MCPH1: variants seen among roughly 807,000 people sequenced by gnomAD.
MCPH1 encodes microcephalin.
In MCPH1, 104 loss-of-function variants were observed where a neutral mutation model predicts 84.5. The observed-to-expected ratio is 1.23, with a 90% CI of 1.05 to 1.45. The LOEUF (loss-of-function observed/expected upper bound fraction) is 1.45. Among genes scored for constraint, MCPH1 ranks in the 40% most tolerant of loss-of-function variants. The probability of loss-of-function intolerance (pLI) is 0.00; values close to 1 mark genes in which losing one functional copy is unlikely to be tolerated. For missense variants in MCPH1, 1,498 were observed against 1,005.7 expected, an observed-to-expected ratio of 1.49 and a Z score of -6.62; for synonymous variants, 514 against 366.8, an observed-to-expected ratio of 1.40 and a Z score of -4.58.
rs1798273540 is a variant in MCPH1, at chr8:6,647,631, AG to A, written c.*4583del. On this transcript the variant is annotated 3_prime_UTR_variant, in exon 14 of 14. Transcript: ENST00000344683. ...ACGTGCAACAACATGAATGAGCCTCAGAAACATAAGTGAAAGAGGTCAGACA... is the reference window on the plus strand; with the variant it reads ...ACGTGCAACAACATGAATGAGCCTCAAAACATAAGTGAAAGAGGTCAGACA... The A allele has an allele frequency of 6.6e-6, 1 of 151,916 alleles. No homozygotes were observed. Among genetic ancestry groups the A allele is most frequent in the African/African-American group, 2.4e-5 (1 of 41,134 alleles). 9.4% of individuals were successfully genotyped at this position (151,916 alleles called of 1,614,324 possible). A position where few individuals can be genotyped will look rare whatever the true frequency, so the allele number is the denominator to read the frequency against.
intron 12 of MCPH1, among the ~76,000 whole-genome samples, chr8:6,578,864 G>A (rs1827324613): frequency 6.6e-6 from 1 of 152,198 alleles, no homozygotes. Context: ...GTTCAACGTT[G>A]GGAGCACAGG....
intron 12 of MCPH1, among the ~76,000 whole-genome samples, chr8:6,512,179 T>A (rs1385502978): frequency 1.3e-5 from 2 of 152,210 alleles, no homozygotes; most frequent in African/African-American, 4.8e-5. Context: ...TATATCTGTT[T>A]CTCAAACATG....
At chr8:6,633,740 C>T (rs1002962580) in intron 13 of MCPH1, among the ~76,000 whole-genome samples, 2 of 152,168 alleles carry the variant, frequency 1.3e-5, no homozygotes, top group Non-Finnish European at 2.9e-5. Context: ...GCACCCAACG[C>T]AGATTCCCCA....
intron 9 of MCPH1, among the ~76,000 whole-genome samples, chr8:6,471,852 C>T (rs894424658): frequency 6.6e-6 from 1 of 152,188 alleles, no homozygotes; most frequent in Admixed American, 6.5e-5. Flanking sequence ...TGGCCTATAG[C>T]TAATTGCAGA....
At chr8:6,562,566 TTTTTTG>T in intron 12 of MCPH1, 1 of 260,816 alleles carries the variant, frequency 3.8e-6, no homozygotes, top group Admixed American at 5.0e-5. Flanking sequence ...TTTTTTTTTT[TTTTTTG>T]GTTGTTAAAA....
chr8:6,627,141 A>G lies in MCPH1; in HGVS notation c.2452+5450A>G, dbSNP rs1354303507. The G allele has an allele frequency of 6.1e-6, 6 of 983,520 alleles. No individual in the cohort carries two copies. In the African/African-American group the frequency reaches 1.1e-4, roughly 17 times the overall value. The allele number at this position is 983,520 out of a possible 1,614,324, so 60.9% of individuals were successfully genotyped here. ...GGCTCATTCATCGTTTCCCCTAATG[A>G]CTGACTGACCAGAAAAATGCACGAC... On this transcript the variant is annotated intron_variant, in intron 13 of 13. Coordinates refer to ENST00000344683, the MANE Select transcript of MCPH1 (RefSeq NM_024596.5).
intron 12 of MCPH1, among the ~76,000 whole-genome samples, chr8:6,537,077 C>T (rs777857830): frequency 2.0e-4 from 30 of 152,146 alleles, no homozygotes; most frequent in East Asian, 1.9e-4. Flanking sequence ...TCATCTGCAC[C>T]GAACTGCTCT....
At chr8:6,422,320 A>G (rs778515701) in intron 3 of MCPH1, among the ~76,000 whole-genome samples, 1 of 134,640 alleles carries the variant, frequency 7.4e-6, no homozygotes, top group Non-Finnish European at 1.6e-5. Flanking sequence ...TAGAGAAAAT[A>G]TCATGGGGGA....
rs3021380 is a variant in MCPH1, at chr8:6,446,954, A to T, written c.1825+1407A>T. On this transcript the variant is annotated intron_variant, in intron 8 of 13. Transcript: ENST00000344683. ...GGGCCAGCACTAGTTGACTCAAGGC[A>T]CCCTGGTGGGGACGGAGAGGTTTTT... is the stretch of plus-strand genomic sequence containing the variant. 7.4e-4 allele frequency: 732 copies of T among 985,258 alleles called. 2 individuals carry two copies. The African/African-American group carries it at 0.01, about 14-fold the overall frequency. The allele number at this position is 985,258 out of a possible 1,614,324, so 61.0% of individuals were successfully genotyped here. A position where few individuals can be genotyped will look rare whatever the true frequency, so the allele number is the denominator to read the frequency against.
intron 12 of MCPH1, among the ~76,000 whole-genome samples, chr8:6,575,791 G>T (rs139254499): frequency 6.6e-6 from 1 of 152,132 alleles, no homozygotes; most frequent in Non-Finnish European, 1.5e-5. Context: ...CAGGAGGAAC[G>T]CCTCGTGACA....
intron 9 of MCPH1, among the ~76,000 whole-genome samples, chr8:6,463,217 C>T (rs1209663454): frequency 4.6e-5 from 7 of 152,094 alleles, no homozygotes; most frequent in East Asian, 1.9e-4. Flanking sequence ...CTGTCATCTC[C>T]CCCAGGAGGC....
At chr8:6,615,990 C>A (rs566461057) in intron 12 of MCPH1, 54 of 152,116 alleles carry the variant, frequency 3.5e-4, no homozygotes, top group Non-Finnish European at 7.2e-4. Flanking sequence ...TGCTGATGAT[C>A]GCATAACTCT....
At chr8:6,606,446 A>C (rs1829780406) in intron 12 of MCPH1, among the ~76,000 whole-genome samples, 1 of 152,182 alleles carries the variant, frequency 6.6e-6, no homozygotes, top group Non-Finnish European at 1.5e-5. Flanking sequence ...CCTAACCTAT[A>C]TATGGTGGGT....
chr8:6,469,010 G>A (rs532146674), intron 9 of MCPH1, among the ~76,000 whole-genome samples: 5 of 152,178 alleles, frequency 3.3e-5, no homozygotes, highest in Non-Finnish European at 5.9e-5. Flanking sequence ...GCAAAGGAGT[G>A]AGACCTCATC....
intron 12 of MCPH1, among the ~76,000 whole-genome samples, chr8:6,562,137 C>G (rs991788004): frequency 6.6e-6 from 1 of 152,188 alleles, no homozygotes; most frequent in Non-Finnish European, 1.5e-5. Flanking sequence ...AGAGTCACAA[C>G]CTATTTTAGT....
At chr8:6,443,178 A>G (rs1218785556) in intron 7 of MCPH1, among the ~76,000 whole-genome samples, 1 of 152,210 alleles carries the variant, frequency 6.6e-6, no homozygotes, top group Non-Finnish European at 1.5e-5. Flanking sequence ...CAGAGGTCAA[A>G]CAGCTTGTCC....
intron 12 of MCPH1, among the ~76,000 whole-genome samples, chr8:6,561,010 G>A (rs1180551440): frequency 6.6e-6 from 1 of 152,184 alleles, no homozygotes; most frequent in African/African-American, 2.4e-5. Context: ...CTGTAACCAC[G>A]GTGGATGTGG....
At chr8:6,591,589 C>T (rs139080123) in intron 12 of MCPH1, among the ~76,000 whole-genome samples, 7 of 152,250 alleles carry the variant, frequency 4.6e-5, no homozygotes, top group South Asian at 2.1e-4. Flanking sequence ...AATATCTTTG[C>T]GGTTTCTTTC....
chr8:6,632,603 A>T lies in MCPH1; in HGVS notation c.2453-10391A>T, dbSNP rs145988300. ...GGGGGGCGGATCACAAGGTCAGGAG[A>T]TCGAGACCATCCTGGCTAACACAGT... On this transcript the variant is annotated intron_variant, in intron 13 of 13. Coordinates refer to ENST00000344683, the MANE Select transcript of MCPH1 (RefSeq NM_024596.5). Among the ~76,000 whole-genome samples the T allele has an allele frequency of 3.4e-3, 512 of 152,250 alleles. 2 individuals carry two copies. The highest frequency in any genetic ancestry group is 0.012 in the African/African-American group (497 of 41,552).
Sources: gnomAD v4.1 joint callset for allele counts (sites outside exome capture counted in the v4.1 genomes callset) on GRCh38, gnomAD v4.1.1 for gene constraint, MANE v1.5 for transcripts, NCBI Gene and HGNC (gene_info 2026-07-23, HGNC 2026-07-21) for gene names.